The following ATXN1 variants were observed in gnomAD, a reference collection of about 807,000 sequenced individuals.
The protein encoded by ATXN1 is ataxin-1.
ATXN1 carries 8 observed loss-of-function variants against 56.4 expected under a neutral mutation model. The ratio of observed to expected loss-of-function variants is 0.14; its 90% CI spans 0.08 to 0.26. The LOEUF (loss-of-function observed/expected upper bound fraction) is 0.26. Ranked by LOEUF, ATXN1 falls within the 10% of genes least tolerant of loss-of-function variation. ATXN1 has a pLI of 1.00. For missense variants in ATXN1, 987 were observed against 1,106.5 expected, an observed-to-expected ratio of 0.89 and a Z score of 1.53; for synonymous variants, 514 against 494.6, an observed-to-expected ratio of 1.04 and a Z score of -0.52.
intron 6 of ATXN1, among the ~76,000 whole-genome samples, chr6:16,342,505 G>A (rs573732150): frequency 2.0e-5 from 3 of 152,204 alleles, no homozygotes; most frequent in Admixed American, 6.5e-5. Context: ...ACATGACTCA[G>A]CAATTCCACG....
At chr6:16,457,822 G>A (rs1759909911) in intron 6 of ATXN1, among the ~76,000 whole-genome samples, 1 of 152,102 alleles carries the variant, frequency 6.6e-6, no homozygotes, top group Admixed American at 6.6e-5. Context: ...CATCCAGAAG[G>A]AAACAAGCAA....
chr6:16,360,025 T>C lies in ATXN1; in HGVS notation c.-160-31555A>G, dbSNP rs140432115. 1.9e-4 allele frequency among the ~76,000 whole-genome samples: 29 copies of C among 152,206 alleles called. No homozygotes were observed. In the East Asian group the frequency reaches 3.1e-3, roughly 16 times the overall value. On this transcript the variant is annotated intron_variant, in intron 6 of 7. Transcript: ENST00000436367. ...TCAGAAATCACCACCGAAGAACTTATTCATGTAACCAAACACCACCTGTTC... is the reference window on the plus strand; with the variant it reads ...TCAGAAATCACCACCGAAGAACTTACTCATGTAACCAAACACCACCTGTTC...
At position 16,579,095 on chromosome 6, in the gene ATXN1, G is replaced by A. The variant is rs146872964; in HGVS notation, c.-361+6685C>T. The stretch of plus-strand genomic sequence containing the variant: ...AGAGATGGCTGTATTTCAGTGGCAA[G>A]TGAAGTGATGATCCCTCTGTGTCAT... On this transcript the variant is annotated intron_variant, in intron 4 of 7. Transcript: ENST00000436367. Among the ~76,000 whole-genome samples, 6 of 152,342 alleles carry A rather than the reference G, an allele frequency of 3.9e-5. No homozygotes were observed. The East Asian group carries it at 1.2e-3, about 29-fold the overall frequency.
chr6:16,495,995 C>T (rs1008331598), intron 5 of ATXN1, among the ~76,000 whole-genome samples: 3 of 152,126 alleles, frequency 2.0e-5, no homozygotes, highest in Admixed American at 2.0e-4. Context: ...AATGTTTGCC[C>T]CCACAGAACT....
intron 1 of ATXN1, among the ~76,000 whole-genome samples, chr6:16,755,588 G>A (rs1760863117): frequency 6.6e-6 from 1 of 151,996 alleles, no homozygotes; most frequent in Non-Finnish European, 1.5e-5. Flanking sequence ...CATACACAGT[G>A]ACAGAAAAAT....
chr6:16,352,647 A>G (rs1761594630), intron 6 of ATXN1, among the ~76,000 whole-genome samples: 1 of 152,108 alleles, frequency 6.6e-6, no homozygotes, highest in African/African-American at 2.4e-5. Flanking sequence ...AAGAAGCATC[A>G]TGGCAGAGTT....
chr6:16,404,699 C>T (rs1258688776), intron 6 of ATXN1, among the ~76,000 whole-genome samples: 3 of 132,112 alleles, frequency 2.3e-5, no homozygotes, highest in Admixed American at 1.4e-4. Flanking sequence ...CGCACTCGCG[C>T]GCGCGCACAC....
At chr6:16,654,879 C>T (rs1758158840) in intron 3 of ATXN1, among the ~76,000 whole-genome samples, 1 of 152,120 alleles carries the variant, frequency 6.6e-6, no homozygotes, top group Admixed American at 6.5e-5. Context: ...TTGCTTTCTA[C>T]CACATTCATG....
intron 5 of ATXN1, among the ~76,000 whole-genome samples, chr6:16,522,289 T>TC (rs1319131036): frequency 3.9e-5 from 6 of 152,076 alleles, no homozygotes; most frequent in Non-Finnish European, 7.4e-5. Flanking sequence ...ACTGGATGGT[T>TC]CCCCCTTGCC....
intron 6 of ATXN1, among the ~76,000 whole-genome samples, chr6:16,460,565 G>A (rs1759972470): frequency 6.6e-6 from 1 of 152,144 alleles, no homozygotes. Context: ...ACTCATTCAG[G>A]GACTGGTGCT....
intron 7 of ATXN1, among the ~76,000 whole-genome samples, chr6:16,323,356 T>TA (rs1561849947): frequency 6.6e-6 from 1 of 151,596 alleles, no homozygotes; most frequent in East Asian, 1.9e-4. Context: ...CTGTCTCTAC[T>TA]AAAAATACAA....
intron 2 of ATXN1, among the ~76,000 whole-genome samples, chr6:16,731,221 G>A (rs76654064): frequency 0.13 from 19,863 of 151,810 alleles, 1,390 homozygotes; most frequent in Middle Eastern, 0.2. Context: ...AAAATGCTCT[G>A]CATGTAAGAG....
At chr6:16,312,330 C>G (rs1760411885) in intron 7 of ATXN1, among the ~76,000 whole-genome samples, 1 of 152,200 alleles carries the variant, frequency 6.6e-6, no homozygotes, top group Non-Finnish European at 1.5e-5. Context: ...AGACACCACT[C>G]TTGTAATCCC....
intron 2 of ATXN1, among the ~76,000 whole-genome samples, chr6:16,726,200 G>C (rs890938213): frequency 3.9e-5 from 6 of 152,030 alleles, no homozygotes; most frequent in African/African-American, 1.2e-4. Context: ...GGCCAACATG[G>C]CAAAACCCCA....
intron 2 of ATXN1, among the ~76,000 whole-genome samples, chr6:16,741,437 T>C (rs1182122776): frequency 6.6e-6 from 1 of 152,218 alleles, no homozygotes; most frequent in African/African-American, 2.4e-5. Context: ...GTATACTCTT[T>C]GAAGACCCTG....
At chr6:16,677,154 T>C (rs962485786) in intron 2 of ATXN1, among the ~76,000 whole-genome samples, 13 of 151,958 alleles carry the variant, frequency 8.6e-5, no homozygotes, top group African/African-American at 2.9e-4. Context: ...GAGACAAACA[T>C]GTAAACAAAC....
At chr6:16,498,506 A>G (rs1471161630) in intron 5 of ATXN1, among the ~76,000 whole-genome samples, 1 of 152,234 alleles carries the variant, frequency 6.6e-6, no homozygotes, top group East Asian at 1.9e-4. Flanking sequence ...TGTATACCTA[A>G]GAGCAGAACT....
chr6:16,674,494 C>T (rs942868012), intron 2 of ATXN1, among the ~76,000 whole-genome samples: 1 of 151,294 alleles, frequency 6.6e-6, no homozygotes, highest in East Asian at 1.9e-4. Context: ...GGATTACAGG[C>T]GCCCACCACC....
At chr6:16,685,289 T>G (rs2327995) in intron 2 of ATXN1, among the ~76,000 whole-genome samples, 30,898 of 152,144 alleles carry the variant, frequency 0.2, 3,675 homozygotes, top group Admixed American at 0.3. Flanking sequence ...AATGAAGGCT[T>G]TTGCCCAATG....
Sources: allele counts gnomAD v4.1 joint callset (sites outside exome capture counted in the v4.1 genomes callset), GRCh38; gene constraint gnomAD v4.1.1; transcripts MANE v1.5; gene names NCBI Gene and HGNC (gene_info 2026-07-23, HGNC 2026-07-21).